Variants in NPNT observed in about 807,000 individuals in gnomAD.
NPNT encodes the protein nephronectin, also known as preosteoblast EGF-like repeat protein with MAM domain.
Under a neutral mutation model 68.6 loss-of-function variants are expected in NPNT, and 45 were observed. That is an observed-to-expected ratio of 0.66 (90% confidence interval 0.52 to 0.84). The LOEUF is 0.84. Ranked by LOEUF, NPNT falls within the 40% of genes least tolerant of loss-of-function variation. The pLI, the probability that NPNT is intolerant of heterozygous loss-of-function variation, is 0.00. For missense variants in NPNT, 672 were observed against 714.8 expected (o/e 0.94, Z 0.68); for synonymous variants, 233 against 253.3 (o/e 0.92, Z 0.76).
chr4:105,939,840 G>C (rs532368701), intron 5 of NPNT, among the ~76,000 whole-genome samples: 1 of 152,266 alleles, frequency 6.6e-6, no homozygotes, highest in South Asian at 2.1e-4. Flanking sequence ...GGTAGATACA[G>C]GTGCAGTATG....
intron 8 of NPNT, among the ~76,000 whole-genome samples, chr4:105,948,100 G>T (rs1730527557): frequency 6.6e-6 from 1 of 151,996 alleles, no homozygotes; most frequent in African/African-American, 2.4e-5. Context: ...AATAATCAAA[G>T]TTAATTCAGA....
chr4:105,924,003 A>G (rs1051109907), intron 2 of NPNT, among the ~76,000 whole-genome samples: 11 of 151,456 alleles, frequency 7.3e-5, no homozygotes, highest in Non-Finnish European at 1.3e-4. Flanking sequence ...CCACGAGAAC[A>G]CTTTGCACTC....
intron 2 of NPNT, among the ~76,000 whole-genome samples, chr4:105,923,740 C>T (rs1728448877): frequency 6.6e-6 from 1 of 152,106 alleles, no homozygotes. Flanking sequence ...AAAGCCCCAC[C>T]CCATCACTTC....
chr4:105,912,704 C>A, intron 2 of NPNT: 2 of 294,520 alleles, frequency 6.8e-6, no homozygotes, highest in Non-Finnish European at 1.0e-5. Context: ...ATAGCACTTA[C>A]GGGCATTTAT....
At chr4:105,901,402 T>C (rs889911807) in intron 2 of NPNT, among the ~76,000 whole-genome samples, 2 of 152,226 alleles carry the variant, frequency 1.3e-5, no homozygotes, top group African/African-American at 4.8e-5. Flanking sequence ...CTATATAGGA[T>C]CTAAATATTG....
chr4:105,966,125 A>T (rs1466586917), intron 10 of NPNT, among the ~76,000 whole-genome samples: 1 of 152,230 alleles, frequency 6.6e-6, no homozygotes, highest in Non-Finnish European at 1.5e-5. Context: ...ACTAAATGGG[A>T]TTACTACCAA....
At chr4:105,931,083 CTTTACT>C (rs951296270) in intron 3 of NPNT, among the ~76,000 whole-genome samples, 6 of 152,108 alleles carry the variant, frequency 3.9e-5, no homozygotes, top group African/African-American at 1.4e-4. Flanking sequence ...CATTTGCTTC[CTTTACT>C]TTTACTTTTA....
chr4:105,953,237 C>A (rs532123437), intron 8 of NPNT, among the ~76,000 whole-genome samples: 1 of 152,200 alleles, frequency 6.6e-6, no homozygotes, highest in African/African-American at 2.4e-5. Flanking sequence ...AAAGTTCCTA[C>A]AATACATAAA....
intron 2 of NPNT, among the ~76,000 whole-genome samples, chr4:105,901,088 T>A (rs1380475913): frequency 6.6e-6 from 1 of 152,162 alleles, no homozygotes; most frequent in East Asian, 1.9e-4. Flanking sequence ...GCTCTGTAAT[T>A]TTTTTGTCAT....
chr4:105,911,461 ATAAAATTATCCC>A (rs1727357345), intron 2 of NPNT, among the ~76,000 whole-genome samples: 1 of 152,140 alleles, frequency 6.6e-6, no homozygotes, highest in Non-Finnish European at 1.5e-5. Context: ...GCAGAGAAGA[ATAAAATTATCCC>A]TTTTCTTACC....
intron 10 of NPNT, among the ~76,000 whole-genome samples, chr4:105,966,594 C>G (rs958744096): frequency 1.3e-5 from 2 of 151,986 alleles, no homozygotes; most frequent in Non-Finnish European, 2.9e-5. Flanking sequence ...CTGTATCTTC[C>G]TGGTGTTAGA....
At chr4:105,911,969 T>C in intron 2 of NPNT, 1 of 516,092 alleles carries the variant, frequency 1.9e-6, no homozygotes. Flanking sequence ...ACTTCAATTA[T>C]TGGTTAATAT....
intron 3 of NPNT, 130 bp from the exon 4 acceptor site, chr4:105,936,879 A>T: frequency 1.1e-6 from 1 of 876,080 alleles, no homozygotes; most frequent in Non-Finnish European, 1.7e-6. Flanking sequence ...TCTATCTCTT[A>T]TGTAAATGAC....
chr4:105,941,983 T>C (rs1462591973), intron 7 of NPNT, among the ~76,000 whole-genome samples: 3 of 152,120 alleles, frequency 2.0e-5, no homozygotes, highest in African/African-American at 7.2e-5. Flanking sequence ...GTTGTCTGTT[T>C]GCACTGCACA....
intron 2 of NPNT, among the ~76,000 whole-genome samples, chr4:105,909,648 T>C (rs28700120): frequency 0.02 from 3,058 of 152,294 alleles, 104 homozygotes; most frequent in African/African-American, 0.068. Context: ...GTTATAAATG[T>C]ACAGAGTTAG....
At chr4:105,948,042 T>C (rs1163814986) in intron 8 of NPNT, among the ~76,000 whole-genome samples, 2 of 152,212 alleles carry the variant, frequency 1.3e-5, no homozygotes, top group African/African-American at 4.8e-5. Flanking sequence ...ATCCTTCATA[T>C]GCTTAACTAG....
chr4:105,944,827 T>C (rs1730252231), intron 8 of NPNT, among the ~76,000 whole-genome samples: 1 of 152,262 alleles, frequency 6.6e-6, no homozygotes, highest in Non-Finnish European at 1.5e-5. Context: ...TTTGACTTGC[T>C]GTCTTGTGGT....
At chr4:105,960,004 G>C (rs1184515571) in intron 10 of NPNT, among the ~76,000 whole-genome samples, 1 of 151,960 alleles carries the variant, frequency 6.6e-6, no homozygotes, top group Non-Finnish European at 1.5e-5. Context: ...TAGAGACTAG[G>C]TTTCACCCTG....
intron 2 of NPNT, among the ~76,000 whole-genome samples, chr4:105,907,037 T>C (rs1726957064): frequency 6.6e-6 from 1 of 152,220 alleles, no homozygotes; most frequent in African/African-American, 2.4e-5. Context: ...TCCTGATTGC[T>C]ATAGGTGTTC....
Sources: gnomAD v4.1 joint callset for allele counts (sites outside exome capture counted in the v4.1 genomes callset) on GRCh38, gnomAD v4.1.1 for gene constraint, MANE v1.5 for transcripts, NCBI Gene and HGNC (gene_info 2026-07-23, HGNC 2026-07-21) for gene names.